The following LRRTM4 variants were observed in gnomAD, a reference collection of about 807,000 sequenced individuals.
LRRTM4 encodes leucine rich repeat transmembrane neuronal 4.
Under a neutral mutation model 47.6 loss-of-function variants are expected in LRRTM4, and 25 were observed. That is an observed-to-expected ratio of 0.53 (90% CI 0.38 to 0.73). The LOEUF (loss-of-function observed/expected upper bound fraction) is 0.73, where lower values mean the gene tolerates loss of function less well. Among genes scored for constraint, LRRTM4 ranks in the 30% least tolerant of loss-of-function variants. LRRTM4 has a pLI of 0.00. For synonymous variants in LRRTM4, 311 were observed against 269.5 expected, an observed-to-expected ratio of 1.15 and a Z score of -1.51; for missense variants, 638 against 713.4, an observed-to-expected ratio of 0.89 and a Z score of 1.20.
At chr2:77,128,675 CAGGCTGG>C (rs1401148369) in intron 3 of LRRTM4, among the ~76,000 whole-genome samples, 4 of 152,176 alleles carry the variant, frequency 2.6e-5, no homozygotes, top group Admixed American at 2.6e-4. Context: ...TCTTGTCCCC[CAGGCTGG>C]AGGCTGGAGT....
chr2:76,998,769 G>GT (rs544805115), intron 3 of LRRTM4, among the ~76,000 whole-genome samples: 34,949 of 138,562 alleles, frequency 0.25, 4,343 homozygotes, highest in Admixed American at 0.3. Context: ...TATATTTTCT[G>GT]TTTTTTTTTT....
intron 3 of LRRTM4, among the ~76,000 whole-genome samples, chr2:77,030,935 T>C (rs1678630207): frequency 6.6e-6 from 1 of 152,222 alleles, no homozygotes; most frequent in Non-Finnish European, 1.5e-5. Flanking sequence ...CTTGCAACTG[T>C]CTCTCTTAAT....
In LRRTM4 at chr2:77,343,785, T is replaced by C. The variant is rs185862119; in HGVS notation, c.1551+174533A>G. ...GACAAAACCTTTGTAGTTTGTGCTA[T>C]AAGGTAAATAGATAAGAGATTGTGA... On this transcript the variant is annotated intron_variant, in intron 3 of 3. Transcript: ENST00000409884. 4.1e-4 allele frequency among the ~76,000 whole-genome samples: 62 copies of C among 152,006 alleles called. 1 individual carries two copies. The highest frequency in any genetic ancestry group is 3.7e-3 in the Admixed American group (57 of 15,222).
intron 3 of LRRTM4, among the ~76,000 whole-genome samples, chr2:77,270,517 A>G (rs1199142785): frequency 6.6e-6 from 1 of 152,208 alleles, no homozygotes; most frequent in Non-Finnish European, 1.5e-5. Context: ...CTACTAGGGT[A>G]TTTTCTAGGA....
intron 3 of LRRTM4, among the ~76,000 whole-genome samples, chr2:77,030,406 C>G (rs888213249): frequency 6.6e-6 from 1 of 152,170 alleles, no homozygotes; most frequent in Non-Finnish European, 1.5e-5. Context: ...GCACTCCAGC[C>G]TGGGTTACAG....
intron 3 of LRRTM4, among the ~76,000 whole-genome samples, chr2:76,852,352 C>T (rs1436268111): frequency 6.6e-6 from 1 of 152,162 alleles, no homozygotes; most frequent in East Asian, 1.9e-4. Context: ...ATAACATTGT[C>T]TTACTTTCCT....
intron 3 of LRRTM4, among the ~76,000 whole-genome samples, chr2:77,333,205 C>T (rs931731262): frequency 6.6e-6 from 1 of 152,102 alleles, no homozygotes; most frequent in Non-Finnish European, 1.5e-5. Flanking sequence ...GTCTTAACAG[C>T]AGAGTGAAAG....
At chr2:77,320,547 A>C (rs1014872603) in intron 3 of LRRTM4, among the ~76,000 whole-genome samples, 3 of 152,202 alleles carry the variant, frequency 2.0e-5, no homozygotes, top group African/African-American at 7.2e-5. Context: ...AAAAGGACTC[A>C]ATGTGGCTGA....
rs529182119 is a variant in LRRTM4, at chr2:76,903,310, G to C, written c.1552-154394C>G. Among the ~76,000 whole-genome samples the C allele has an allele frequency of 1.2e-4, 18 of 152,250 alleles. No homozygotes were observed. The East Asian group carries it at 3.5e-3, about 29-fold the overall frequency. On this transcript the variant is annotated intron_variant, in intron 3 of 3. Coordinates refer to ENST00000409884, the MANE Select transcript of LRRTM4 (RefSeq NM_001134745.3). ...CCAGCACTTTGGGAGGCTGAGGAGGGTGTATCACGAGGTCAGGAGATTGAG... is the reference window on the plus strand; with the variant it reads ...CCAGCACTTTGGGAGGCTGAGGAGGCTGTATCACGAGGTCAGGAGATTGAG...
intron 3 of LRRTM4, among the ~76,000 whole-genome samples, chr2:77,029,257 T>C (rs552900983): frequency 1.1e-4 from 16 of 151,938 alleles, no homozygotes; most frequent in African/African-American, 3.9e-4. Flanking sequence ...TTAGGAGTAT[T>C]GACTCACACG....
chr2:76,977,077 C>T (rs190213413), intron 3 of LRRTM4, among the ~76,000 whole-genome samples: 31 of 151,588 alleles, frequency 2.0e-4, no homozygotes, highest in African/African-American at 6.5e-4. Flanking sequence ...TTCTCACTTT[C>T]AGCAAAACTC....
chr2:77,487,072 G>A (rs1677942586), intron 3 of LRRTM4, among the ~76,000 whole-genome samples: 1 of 152,218 alleles, frequency 6.6e-6, no homozygotes, highest in Non-Finnish European at 1.5e-5. Flanking sequence ...GGCAGCAGCA[G>A]CCCATCTGGA....
At chr2:77,194,910 GA>G (rs946476110) in intron 3 of LRRTM4, among the ~76,000 whole-genome samples, 82 of 142,566 alleles carry the variant, frequency 5.8e-4, no homozygotes, top group Middle Eastern at 3.7e-3. Flanking sequence ...TATATTAAAA[GA>G]AAAAAAAAAC....
chr2:77,453,556 A>G (rs1676348491), intron 3 of LRRTM4, among the ~76,000 whole-genome samples: 1 of 152,156 alleles, frequency 6.6e-6, no homozygotes, highest in Admixed American at 6.5e-5. Context: ...GGTATGTCTT[A>G]AGGAAAGATT....
At chr2:76,901,262 T>C (rs1337969097) in intron 3 of LRRTM4, among the ~76,000 whole-genome samples, 3 of 152,152 alleles carry the variant, frequency 2.0e-5, no homozygotes, top group Non-Finnish European at 4.4e-5. Context: ...CCATGTGATC[T>C]CCTTGTTCAG....
At chr2:77,119,215 C>G (rs1046353116) in intron 3 of LRRTM4, among the ~76,000 whole-genome samples, 1 of 151,854 alleles carries the variant, frequency 6.6e-6, no homozygotes, top group African/African-American at 2.4e-5. Flanking sequence ...TAACTTCCAT[C>G]TTCTCTTTTC....
At chr2:76,999,102 G>C (rs967541545) in intron 3 of LRRTM4, among the ~76,000 whole-genome samples, 5 of 151,930 alleles carry the variant, frequency 3.3e-5, no homozygotes, top group African/African-American at 9.7e-5. Flanking sequence ...TGTGTGTTGG[G>C]GAGGGGTAGT....
intron 3 of LRRTM4, among the ~76,000 whole-genome samples, chr2:76,966,785 G>T (rs1450084752): frequency 6.6e-6 from 1 of 151,396 alleles, no homozygotes; most frequent in African/African-American, 2.4e-5. Flanking sequence ...ATTGTACAGT[G>T]GTTGACACTG....
chr2:77,076,084 T>C (rs1680329088), intron 3 of LRRTM4, among the ~76,000 whole-genome samples: 1 of 152,102 alleles, frequency 6.6e-6, no homozygotes, highest in South Asian at 2.1e-4. Context: ...GACATTTACA[T>C]AAAGCAAAAA....
Sources: gnomAD v4.1 joint callset for allele counts (sites outside exome capture counted in the v4.1 genomes callset) on GRCh38, gnomAD v4.1.1 for gene constraint, MANE v1.5 for transcripts, NCBI Gene and HGNC (gene_info 2026-07-23, HGNC 2026-07-21) for gene names.